The following MGAT4C variants were observed in gnomAD, a reference collection of about 807,000 sequenced individuals.
The protein encoded by MGAT4C is alpha-1,3-mannosyl-glycoprotein 4-beta-N-acetylglucosaminyltransferase C.
MGAT4C carries 19 observed loss-of-function variants against 40.1 expected under a neutral mutation model. That is an observed-to-expected ratio of 0.47 (90% CI 0.33 to 0.70). The LOEUF is 0.70. Ranked by LOEUF, MGAT4C falls within the 30% of genes least tolerant of loss-of-function variation. The pLI is 0.02. For missense variants in MGAT4C, 491 were observed against 563.2 expected (o/e 0.87, Z 1.30); for synonymous variants, 181 against 187.1 (o/e 0.97, Z 0.27).
intron 1 of MGAT4C, among the ~76,000 whole-genome samples, chr12:86,120,285 C>T (rs1879160501): frequency 6.6e-6 from 1 of 151,726 alleles, no homozygotes. Context: ...GCAGATTTTT[C>T]CTGCCTCTGT....
At chr12:86,398,539 A>G (rs534785641) in intron 3 of MGAT4C, among the ~76,000 whole-genome samples, 1 of 152,094 alleles carries the variant, frequency 6.6e-6, no homozygotes, top group Non-Finnish European at 1.5e-5. Context: ...ATATATAAAT[A>G]TGGTATATAT....
At chr12:86,001,228 T>A (rs1187212563) in intron 2 of MGAT4C, among the ~76,000 whole-genome samples, 1 of 152,322 alleles carries the variant, frequency 6.6e-6, no homozygotes, top group Non-Finnish European at 1.5e-5. Context: ...ACCCTCTTAA[T>A]GATTTTCAAT....
At chr12:86,809,891 G>A (rs375995583) in intron 1 of MGAT4C, among the ~76,000 whole-genome samples, 6 of 152,082 alleles carry the variant, frequency 3.9e-5, no homozygotes, top group African/African-American at 1.4e-4. Context: ...ACTTGTCTAT[G>A]TCTATGAAAA....
chr12:86,307,632 T>C (rs910815403), intron 4 of MGAT4C, among the ~76,000 whole-genome samples: 3 of 148,728 alleles, frequency 2.0e-5, no homozygotes, highest in African/African-American at 5.0e-5. Flanking sequence ...CCCACATTTA[T>C]TTTGTTTTGA....
intron 3 of MGAT4C, among the ~76,000 whole-genome samples, chr12:86,345,912 C>A (rs1410595093): frequency 6.6e-6 from 1 of 152,134 alleles, no homozygotes; most frequent in Non-Finnish European, 1.5e-5. Context: ...CTCTCCAGCA[C>A]CTGTTGTTTC....
At chr12:86,071,657 T>C (rs1360509201) in intron 1 of MGAT4C, among the ~76,000 whole-genome samples, 2 of 152,126 alleles carry the variant, frequency 1.3e-5, no homozygotes, top group African/African-American at 4.8e-5. Flanking sequence ...CTACTTACTA[T>C]GCGTCATAGC....
intron 2 of MGAT4C, among the ~76,000 whole-genome samples, chr12:86,635,472 T>C (rs372801524): frequency 2.6e-5 from 4 of 151,986 alleles, no homozygotes; most frequent in African/African-American, 9.7e-5. Context: ...GCCAGGTGTA[T>C]TGTGGGTGAG....
chr12:86,422,772 T>G (rs2136258417), intron 3 of MGAT4C, among the ~76,000 whole-genome samples: 2 of 152,282 alleles, frequency 1.3e-5, no homozygotes, highest in Middle Eastern at 3.4e-3. Flanking sequence ...TTCAATATAC[T>G]CTTCTGAAAT....
intron 2 of MGAT4C, among the ~76,000 whole-genome samples, chr12:86,690,742 A>G (rs904945598): frequency 3.3e-5 from 5 of 152,090 alleles, no homozygotes; most frequent in Non-Finnish European, 5.9e-5. Context: ...AGCTGTTCCT[A>G]TTTGGCCATC....
chr12:86,285,042 A>C (rs1953317298), intron 4 of MGAT4C, among the ~76,000 whole-genome samples: 1 of 152,030 alleles, frequency 6.6e-6, no homozygotes, highest in African/African-American at 2.4e-5. Flanking sequence ...ATATTCACTA[A>C]AATTCAAAAA....
At chr12:86,667,616 T>C (rs1247473001) in intron 2 of MGAT4C, among the ~76,000 whole-genome samples, 1 of 152,198 alleles carries the variant, frequency 6.6e-6, no homozygotes, top group Admixed American at 6.5e-5. Context: ...ACTCAAATCT[T>C]TCCTTGCAAT....
chr12:86,240,704 C>G (rs566506720), intron 1 of MGAT4C, among the ~76,000 whole-genome samples: 1 of 152,214 alleles, frequency 6.6e-6, no homozygotes, highest in African/African-American at 2.4e-5. Flanking sequence ...ACATCATGGT[C>G]TTTTACTCCT....
chr12:86,218,977 G>A (rs1182859011), intron 1 of MGAT4C, among the ~76,000 whole-genome samples: 3 of 151,974 alleles, frequency 2.0e-5, no homozygotes, highest in Non-Finnish European at 2.9e-5. Context: ...TCAAGAGATC[G>A]AGACCATCCT....
At chr12:86,802,348 A>G (rs1203234552) in intron 1 of MGAT4C, among the ~76,000 whole-genome samples, 7 of 151,948 alleles carry the variant, frequency 4.6e-5, no homozygotes, top group Admixed American at 2.0e-4. Context: ...AAATATAACT[A>G]AATATTCTGT....
intron 2 of MGAT4C, among the ~76,000 whole-genome samples, chr12:86,537,276 A>T (rs930969020): frequency 6.6e-6 from 1 of 152,100 alleles, no homozygotes; most frequent in Non-Finnish European, 1.5e-5. Context: ...ACATTAAATG[A>T]CGAGTTAATG....
chr12:86,506,683 A>T (rs528541726), intron 2 of MGAT4C, among the ~76,000 whole-genome samples: 85 of 152,308 alleles, frequency 5.6e-4, no homozygotes, highest in Non-Finnish European at 6.3e-4. Context: ...TTAACCACAT[A>T]GATATATCTG....
rs12578986 is a variant in MGAT4C at position 86,680,350 on chromosome 12, T to A, written c.-229+46859A>T. On this transcript the variant is annotated intron_variant, in intron 2 of 7. Coordinates refer to the MGAT4C transcript ENST00000548651. ...GTTATCTCATAAGATTATCATAATC[T>A]AGGCAGATTTATATATCCTCACTTT... Among the ~76,000 whole-genome samples, 23 of 152,166 alleles carry A rather than the reference T, an allele frequency of 1.5e-4. No individual in the cohort carries two copies. In the East Asian group the frequency reaches 4.5e-3, roughly 29 times the overall value.
chr12:86,008,782 T>C (rs1265615453), intron 2 of MGAT4C, among the ~76,000 whole-genome samples: 1 of 152,174 alleles, frequency 6.6e-6, no homozygotes, highest in Non-Finnish European at 1.5e-5. Context: ...CATTTGCTTC[T>C]ATTCCTGGAT....
intron 2 of MGAT4C, among the ~76,000 whole-genome samples, chr12:86,714,056 A>G (rs971299756): frequency 3.3e-5 from 5 of 152,182 alleles, no homozygotes; most frequent in African/African-American, 9.6e-5. Flanking sequence ...AAATTTTATT[A>G]TCATCTTAAC....
Sources: allele counts gnomAD v4.1 joint callset (sites outside exome capture counted in the v4.1 genomes callset), GRCh38; gene constraint gnomAD v4.1.1; transcripts MANE v1.5; gene names NCBI Gene and HGNC (gene_info 2026-07-23, HGNC 2026-07-21).